Variants in CFAP298 observed in about 807,000 individuals in gnomAD.
CFAP298 encodes cilia- and flagella-associated protein 298.
Under a neutral mutation model 41.0 loss-of-function variants are expected in CFAP298, and 38 were observed. The observed-to-expected ratio is 0.93, with a 90% CI of 0.72 to 1.22. CFAP298 has a LOEUF of 1.22. Among genes scored for constraint, CFAP298 ranks in the 50% most tolerant of loss-of-function variants. The pLI is 0.00. For synonymous variants in CFAP298, 137 were observed against 135.3 expected, an observed-to-expected ratio of 1.01 and a Z score of -0.09; for missense variants, 348 against 360.3, an observed-to-expected ratio of 0.97 and a Z score of 0.28.
At position 32,609,966 on chromosome 21, in the gene CFAP298, G is replaced by C; in HGVS notation, c.179C>G (p.Pro60Arg). Reference protein sequence around the residue: ...ELAEHGIFLPPNMQGLTDDQI... With the variant: ...ELAEHGIFLPRNMQGLTDDQI... The stretch of plus-strand genomic sequence containing the variant: ...ATCATCGGTCAGTCCTTGCATATTA[G>C]GAGGGAGAAATATGCCATGTTCGGC... Residue 60 changes from proline to arginine, a missense_variant, in exon 2 of 7, where the codon CCT (proline) becomes CGT (arginine). Pro to Arg is a moderately radical substitution (Grantham distance 103, BLOSUM62 -2). Coordinates refer to ENST00000290155, the MANE Select transcript of CFAP298 (RefSeq NM_021254.4). 2 of 1,613,318 alleles carry C rather than the reference G, an allele frequency of 1.2e-6. No homozygotes were observed. The highest frequency in any genetic ancestry group is 1.7e-6 in the Non-Finnish European group (2 of 1,179,744).
In CFAP298 at chr21:32,612,106, T is replaced by A. The variant is rs1425377980; in HGVS notation, c.138A>T (p.Ser46=). The A allele has an allele frequency of 6.4e-7, 1 of 1,551,476 alleles. No individual in the cohort carries two copies. Among genetic ancestry groups the A allele is most frequent in the Admixed American group, 2.0e-5 (1 of 50,958 alleles). ...NGRLKVQRLC[S]EMEELAEHGI... ...GATGGGCCCACCCGCGAGCCGCACCTGAGCAGAGGCGCTGCACCTTGAGCC... is the reference window on the plus strand; with the variant it reads ...GATGGGCCCACCCGCGAGCCGCACCAGAGCAGAGGCGCTGCACCTTGAGCC... The change falls in exon 1 of 7, where the codon TCA becomes TCT. Residue 46 remains serine, a splice_region_variant and synonymous_variant. Coordinates refer to ENST00000290155, the MANE Select transcript of CFAP298 (RefSeq NM_021254.4).
At position 32,601,828 on chromosome 21, in the gene CFAP298, C is replaced by A; in HGVS notation, c.*35G>T. On this transcript the variant is annotated 3_prime_UTR_variant, in exon 7 of 7. Transcript: ENST00000290155. ...TATAATTGCCTAGGAGAAAGGTGAG[C>A]TAATCTCTTTGGAAGTGTCATCAGC... 9.1e-7 allele frequency: 1 copy of A among 1,093,122 alleles called. No individual in the cohort carries two copies. Among genetic ancestry groups the A allele is most frequent in the Non-Finnish European group, 1.4e-6 (1 of 712,426 alleles). The allele number at this position is 1,093,122 out of a possible 1,614,324, so 67.7% of individuals were successfully genotyped here. A position where few individuals can be genotyped will look rare whatever the true frequency, so the allele number is the denominator to read the frequency against.
At chr21:32,611,567 G>C (rs2039001008) in intron 1 of CFAP298, among the ~76,000 whole-genome samples, 1 of 151,790 alleles carries the variant, frequency 6.6e-6, no homozygotes, top group Admixed American at 6.6e-5. Context: ...AAAGTTCTGC[G>C]GCAAAGCGGG....
In CFAP298 at chr21:32,599,419, C is replaced by T. The variant is rs1473939459; in HGVS notation, c.*2444G>A. Reference sequence around the variant, plus strand: ...TCCATGAAAGAACCACATAAGAAGACAAGTTATGTCAAAGGACAAAACCAC... The same window carrying T: ...TCCATGAAAGAACCACATAAGAAGATAAGTTATGTCAAAGGACAAAACCAC... On this transcript the variant is annotated 3_prime_UTR_variant, in exon 7 of 7. Transcript: ENST00000290155. 1.3e-5 allele frequency among the ~76,000 whole-genome samples: 2 copies of T among 152,144 alleles called. No individual in the cohort carries two copies. The highest frequency in any genetic ancestry group is 2.9e-5 in the Non-Finnish European group (2 of 68,032).
rs1491095261 is a variant in CFAP298, at chr21:32,611,341, T to TA, written c.139+763_139+764insT. On this transcript the variant is annotated intron_variant, in intron 1 of 6. Coordinates refer to ENST00000290155, the MANE Select transcript of CFAP298 (RefSeq NM_021254.4). Reference sequence around the variant, plus strand: ...ACCATATATATATATATATATATAATTTATTTATATTTATATATACATATA... The same window carrying TA: ...ACCATATATATATATATATATATAATATTATTTATATTTATATATACATATA... Among the ~76,000 whole-genome samples, 36 of 118,422 alleles carry TA rather than the reference T, an allele frequency of 3.0e-4. 1 individual carries two copies. Among genetic ancestry groups the TA allele is most frequent in the East Asian group, 2.2e-3 (10 of 4,556 alleles). 77.7% of individuals were successfully genotyped at this position (118,422 alleles called of 152,430 possible).
rs1206558583 is a variant in CFAP298, at chr21:32,603,219, T to G, written c.608A>C (p.Lys203Thr). Residue 203 changes from lysine (K) to threonine (T), a missense_variant, in exon 5 of 7, where the codon AAG becomes ACG. Physicochemically the swap from Lys to Thr is moderately conservative, Grantham distance 78 (BLOSUM62 -1). Transcript: ENST00000290155. ...WAAKELRRTK[K>T]LSDYVGKNEK... ...ATTCTTCCCCACGTAGTCTGAAAGC[T>G]TCTTCGTTCTTCTCAGCTCCTTGGC... The G allele has an allele frequency of 5.6e-6, 9 of 1,614,090 alleles. No individual in the cohort carries two copies. The highest frequency in any genetic ancestry group is 7.6e-6 in the Non-Finnish European group (9 of 1,180,026).
chr21:32,604,318 GC>G (rs1246211006), intron 3 of CFAP298, 35 bp from the exon 4 acceptor site: 1 of 1,611,158 alleles, frequency 6.2e-7, no homozygotes, highest in Non-Finnish European at 8.5e-7. Context: ...CTACAGTGTG[GC>G]TAATCACTTC....
chr21:32,611,968 TC>T, intron 1 of CFAP298, 136 bp downstream of exon 1: 1 of 1,049,486 alleles, frequency 9.5e-7, no homozygotes, highest in South Asian at 2.1e-5. Flanking sequence ...AACCCTAGTG[TC>T]CCGTTTCAAC....
chr21:32,611,291 G>A (rs1230711404), intron 1 of CFAP298, among the ~76,000 whole-genome samples: 1 of 131,942 alleles, frequency 7.6e-6, no homozygotes, highest in Non-Finnish European at 1.5e-5. Context: ...GCAACAGTAA[G>A]ACCCTGTCTC....
rs1367713853 is a variant in CFAP298, at chr21:32,601,061, G to A, written c.*802C>T. On this transcript the variant is annotated 3_prime_UTR_variant, in exon 7 of 7. Coordinates refer to ENST00000290155, the MANE Select transcript of CFAP298 (RefSeq NM_021254.4). The stretch of plus-strand genomic sequence containing the variant: ...AAGAAGGCTACAGTTAGACCCCGCA[G>A]CAGGGTTAAAGAAGGCTACAGTTAG... Among the ~76,000 whole-genome samples, 2 of 151,518 alleles carry A rather than the reference G, an allele frequency of 1.3e-5. No homozygotes were observed. Among genetic ancestry groups the A allele is most frequent in the African/African-American group, 4.9e-5 (2 of 40,816 alleles).
At chr21:32,611,611 G>C (rs2146575770) in intron 1 of CFAP298, among the ~76,000 whole-genome samples, 1 of 151,898 alleles carries the variant, frequency 6.6e-6, no homozygotes, top group East Asian at 1.9e-4. Context: ...GGGAGACGGC[G>C]CCGCAACGCA....
Position 32,601,519 on chromosome 21 carries a change from G to A in CFAP298, c.*344C>T. On this transcript the variant is annotated 3_prime_UTR_variant, in exon 7 of 7. Transcript: ENST00000290155. The stretch of plus-strand genomic sequence containing the variant: ...TCACCGTGTTAGCCTGGATGGTCTT[G>A]ATCTCCTGACCTCGTGATCTGCCTG... The A allele has an allele frequency of 5.4e-6, 1 of 184,740 alleles. No individual in the cohort carries two copies. Among genetic ancestry groups the A allele is most frequent in the African/African-American group, 2.4e-5 (1 of 42,008 alleles). 11.4% of individuals were successfully genotyped at this position (184,740 alleles called of 1,614,324 possible). A position where few individuals can be genotyped will look rare whatever the true frequency, so the allele number is the denominator to read the frequency against.
chr21:32,609,795 T>G, intron 2 of CFAP298, 43 bp downstream of exon 2: 1 of 1,548,350 alleles, frequency 6.5e-7, no homozygotes, highest in South Asian at 1.2e-5. Context: ...TTCATACTTA[T>G]GCCTGTATCA....
rs998066336 is a variant in CFAP298 at position 32,601,052 on chromosome 21, G to T, written c.*811C>A. On this transcript the variant is annotated 3_prime_UTR_variant, in exon 7 of 7. Coordinates refer to ENST00000290155, the MANE Select transcript of CFAP298 (RefSeq NM_021254.4). ...GCAGGGTTAAAGAAGGCTACAGTTA[G>T]ACCCCGCAGCAGGGTTAAAGAAGGC... Among the ~76,000 whole-genome samples the T allele has an allele frequency of 1.3e-5, 2 of 151,342 alleles. No homozygotes were observed. The highest frequency in any genetic ancestry group is 4.9e-5 in the African/African-American group (2 of 40,762).
Position 32,604,237 on chromosome 21 carries a change from T to C in CFAP298, c.422A>G (p.Asp141Gly), listed in dbSNP as rs140727644. Residue 141 changes from aspartate to glycine, a missense_variant, in exon 4 of 7, where the codon GAT (aspartate) becomes GGT (glycine). Coordinates refer to ENST00000290155, the MANE Select transcript of CFAP298 (RefSeq NM_021254.4). ...CGCGCCTCGAAGCTGGTCCAAGGCA[T>C]CTTTCACCATCTCCATGGTAACACA... ...GVCVTMEMVK[D>G]ALDQLRGAVM... is the part of the protein sequence containing the mutation. The C allele has an allele frequency of 2.7e-4, 428 of 1,613,992 alleles. No homozygotes were observed. The highest frequency in any genetic ancestry group is 3.4e-4 in the Non-Finnish European group (404 of 1,180,020).
intron 2 of CFAP298, 43 bp downstream of exon 2, chr21:32,609,795 T>C (rs778320399): frequency 6.5e-6 from 10 of 1,548,350 alleles, no homozygotes; most frequent in Non-Finnish European, 8.8e-6. Flanking sequence ...TTCATACTTA[T>C]GCCTGTATCA....
chr21:32,604,743 A>G (rs566341786), intron 3 of CFAP298, among the ~76,000 whole-genome samples: 76 of 152,364 alleles, frequency 5.0e-4, no homozygotes, highest in African/African-American at 1.7e-3. Flanking sequence ...CTCTAGCTGG[A>G]TCAGCTGAAG....
chr21:32,601,069 AAAGAAGGCTACAGTTAGACCCCGCAGCAG>A lies in CFAP298; in HGVS notation c.*765_*793del, dbSNP rs1371874608. ...TACAGTTAGACCCCGCAGCAGGGTTAAAGAAGGCTACAGTTAGACCCCGCAGCAGGGTTAGAGAAGTCTCTCCAGCAAGG... is the reference window on the plus strand; with the variant it reads ...TACAGTTAGACCCCGCAGCAGGGTTAGGTTAGAGAAGTCTCTCCAGCAAGG... On this transcript the variant is annotated 3_prime_UTR_variant, in exon 7 of 7. Coordinates refer to ENST00000290155, the MANE Select transcript of CFAP298 (RefSeq NM_021254.4). Among the ~76,000 whole-genome samples the A allele has an allele frequency of 7.3e-5, 11 of 151,480 alleles. No individual in the cohort carries two copies. Among genetic ancestry groups the A allele is most frequent in the East Asian group, 1.9e-4 (1 of 5,172 alleles).
chr21:32,601,630 C>T lies in CFAP298; in HGVS notation c.*233G>A. The T allele has an allele frequency of 2.4e-6, 1 of 408,228 alleles. No homozygotes were observed. The highest frequency in any genetic ancestry group is 4.4e-6 in the Non-Finnish European group (1 of 227,674). 25.3% of individuals were successfully genotyped at this position (408,228 alleles called of 1,614,324 possible). ...AGTATTTTATCAAAGAAAACCATGA[C>T]ATACTAAATAGTCCTGAAACAAAAA... On this transcript the variant is annotated 3_prime_UTR_variant, in exon 7 of 7. Coordinates refer to ENST00000290155, the MANE Select transcript of CFAP298 (RefSeq NM_021254.4).
Sources: allele counts gnomAD v4.1 joint callset (sites outside exome capture counted in the v4.1 genomes callset), GRCh38; gene constraint gnomAD v4.1.1; transcripts MANE v1.5; gene names NCBI Gene and HGNC (gene_info 2026-07-23, HGNC 2026-07-21).